Variants in CSMD2 observed in about 807,000 individuals in gnomAD.
The protein encoded by CSMD2 is CUB and sushi domain-containing protein 2.
A neutral mutation model predicts 398.5 loss-of-function variants in CSMD2; 130 were observed. The ratio of observed to expected loss-of-function variants is 0.33; its 90% CI spans 0.28 to 0.38. CSMD2 has a LOEUF of 0.38. Among genes scored for constraint, CSMD2 ranks in the 10% least tolerant of loss-of-function variants. The probability of loss-of-function intolerance (pLI) is 1.00; values close to 1 mark genes in which losing one functional copy is unlikely to be tolerated. For synonymous variants in CSMD2, 1,828 were observed against 1,908.5 expected, an observed-to-expected ratio of 0.96 and a Z score of 1.10; for missense variants, 3,829 against 4,764.9, an observed-to-expected ratio of 0.80 and a Z score of 5.78.
At position 33,652,517 on chromosome 1, in the gene CSMD2, A is replaced by G. The variant is rs1397752117; in HGVS notation, c.4448-56T>C. On this transcript the variant is annotated intron_variant, in intron 27 of 70. Transcript: ENST00000373381. The stretch of plus-strand genomic sequence containing the variant: ...GCCTCTTCACCCTGGGCTCATTTTC[A>G]TGGGTGTTGCTAATGCACTATTGAG... 3 of 1,598,542 alleles carry G rather than the reference A, an allele frequency of 1.9e-6. No homozygotes were observed. In the East Asian group the frequency reaches 6.7e-5, roughly 36 times the overall value.
chr1:34,085,839 C>T (rs982810606), intron 2 of CSMD2, among the ~76,000 whole-genome samples: 1 of 152,094 alleles, frequency 6.6e-6, no homozygotes, highest in South Asian at 2.1e-4. Context: ...AGACTCTTTA[C>T]TTCTTCCCCA....
intron 6 of CSMD2, among the ~76,000 whole-genome samples, chr1:33,830,325 T>C (rs1465023934): frequency 1.3e-5 from 2 of 152,156 alleles, no homozygotes; most frequent in Admixed American, 6.5e-5. Context: ...TCCAGAGGAA[T>C]AATCAGACAG....
intron 57 of CSMD2, among the ~76,000 whole-genome samples, chr1:33,545,322 T>G (rs1656773115): frequency 6.6e-6 from 1 of 152,246 alleles, no homozygotes; most frequent in African/African-American, 2.4e-5. Context: ...GGAAAAATGA[T>G]AATTTCTCCC....
At chr1:33,974,811 G>A (rs6677026) in intron 3 of CSMD2, among the ~76,000 whole-genome samples, 7,202 of 152,216 alleles carry the variant, frequency 0.047, 269 homozygotes, top group East Asian at 0.18. Context: ...CCCACAGAAC[G>A]GAAGGAGTAT....
rs1641536672 is a variant in CSMD2, at chr1:34,163,347, G to T, written c.187+1564C>A. On this transcript the variant is annotated intron_variant, in intron 1 of 70. Transcript: ENST00000373381. The surrounding 1 kb of genome is among the most constrained non-coding windows in gnomAD (Gnocchi z 5.4). Reference sequence around the variant, plus strand: ...GCTCCCAGGCGCGCGCACCGCGGGCGCCCCTCTCTGGGTGTCGGTGGCTAT... The same window carrying T: ...GCTCCCAGGCGCGCGCACCGCGGGCTCCCCTCTCTGGGTGTCGGTGGCTAT... 6.6e-6 allele frequency among the ~76,000 whole-genome samples: 1 copy of T among 152,186 alleles called. No individual in the cohort carries two copies. The highest frequency in any genetic ancestry group is 2.4e-5 in the African/African-American group (1 of 41,468).
rs755482287 is a variant in CSMD2, at chr1:33,546,057, C to G, written c.9080G>C (p.Gly3027Ala). 1.2e-6 allele frequency: 2 copies of G among 1,613,378 alleles called. No individual in the cohort carries two copies. Among genetic ancestry groups the G allele is most frequent in the Admixed American group, 3.3e-5 (2 of 59,986 alleles). Residue 3027 changes from glycine (G) to alanine (A), a missense_variant, in exon 57 of 71, where the codon GGC becomes GCC. Gly to Ala is a moderately conservative substitution (Grantham distance 60, BLOSUM62 0). Coordinates refer to ENST00000373381, the MANE Select transcript of CSMD2 (RefSeq NM_001281956.2). ...RTCQANGSWS[G>A]SQPECGVISC... Reference sequence around the variant, plus strand: ...ATTACCTCCACACTCAGGCTGCGAGCCGCTCCACGAGCCATTGGCTTGACA... The same window carrying G: ...ATTACCTCCACACTCAGGCTGCGAGGCGCTCCACGAGCCATTGGCTTGACA...
At chr1:33,731,709 A>G (rs1056458408) in intron 15 of CSMD2, among the ~76,000 whole-genome samples, 1 of 152,236 alleles carries the variant, frequency 6.6e-6, no homozygotes, top group Non-Finnish European at 1.5e-5. Flanking sequence ...ATTATAATGT[A>G]TGAAGCTAAC....
intron 5 of CSMD2, among the ~76,000 whole-genome samples, chr1:33,878,622 G>T (rs1385459513): frequency 1.3e-5 from 2 of 152,206 alleles, no homozygotes; most frequent in Non-Finnish European, 2.9e-5. Context: ...AGCCCTCATT[G>T]ATCTGTTTAC....
At chr1:33,561,970 G>C (rs935428846) in intron 53 of CSMD2, among the ~76,000 whole-genome samples, 2 of 152,074 alleles carry the variant, frequency 1.3e-5, no homozygotes, top group Admixed American at 1.3e-4. Flanking sequence ...GAATGTTGAG[G>C]ATTAAAACCC....
At chr1:34,058,454 A>T (rs1558313930) in intron 2 of CSMD2, among the ~76,000 whole-genome samples, 2 of 152,210 alleles carry the variant, frequency 1.3e-5, no homozygotes, top group African/African-American at 4.8e-5. Context: ...AAAATTTATG[A>T]AGATAAATAA....
In CSMD2 at chr1:33,537,143, C is replaced by G; in HGVS notation, c.9806-48G>C. The G allele has an allele frequency of 6.3e-7, 1 of 1,594,638 alleles. No individual in the cohort carries two copies. The highest frequency in any genetic ancestry group is 8.6e-7 in the Non-Finnish European group (1 of 1,162,404). On this transcript the variant is annotated intron_variant, in intron 61 of 70. Coordinates refer to ENST00000373381, the MANE Select transcript of CSMD2 (RefSeq NM_001281956.2). This position sits in a 1 kb window ranked among gnomAD's most constrained non-coding sequence, Gnocchi z 4.6. ...CAGATCACATGGTCATGGAAGCCTT[C>G]ACGGCCTCATCTCACTCTGGGAAAT...
intron 10 of CSMD2, among the ~76,000 whole-genome samples, chr1:33,794,202 A>C (rs1654675565): frequency 6.6e-6 from 1 of 152,182 alleles, no homozygotes; most frequent in African/African-American, 2.4e-5. Flanking sequence ...AGGCAAACTG[A>C]CACTGCCCTC....
intron 14 of CSMD2, among the ~76,000 whole-genome samples, chr1:33,741,004 T>C (rs1647046994): frequency 6.6e-6 from 1 of 152,106 alleles, no homozygotes; most frequent in Non-Finnish European, 1.5e-5. Context: ...GGAGTTTTTG[T>C]TGTGAGGCTT....
At chr1:34,009,093 T>C (rs1454918678) in intron 3 of CSMD2, among the ~76,000 whole-genome samples, 2 of 152,048 alleles carry the variant, frequency 1.3e-5, no homozygotes, top group Non-Finnish European at 2.9e-5. Context: ...CTGCAGAGAA[T>C]AAGGGGCTCT....
intron 2 of CSMD2, among the ~76,000 whole-genome samples, chr1:34,046,784 G>A (rs553635667): frequency 1.3e-5 from 2 of 152,078 alleles, no homozygotes; most frequent in Non-Finnish European, 2.9e-5. Context: ...TATGTACTAT[G>A]CTTGGTTCTC....
At chr1:33,836,760 T>C (rs1237847484) in intron 6 of CSMD2, among the ~76,000 whole-genome samples, 3 of 152,146 alleles carry the variant, frequency 2.0e-5, no homozygotes, top group Admixed American at 6.5e-5. Flanking sequence ...GTGCCGTGCA[T>C]CACCCCTTTC....
At chr1:33,993,878 T>C (rs1308434752) in intron 3 of CSMD2, among the ~76,000 whole-genome samples, 6 of 152,182 alleles carry the variant, frequency 3.9e-5, no homozygotes, top group African/African-American at 1.4e-4. Context: ...CTTATCTCCA[T>C]ATCCATTCTT....
intron 4 of CSMD2, among the ~76,000 whole-genome samples, chr1:33,927,971 T>C (rs1178817804): frequency 6.6e-6 from 1 of 152,186 alleles, no homozygotes; most frequent in Non-Finnish European, 1.5e-5. Context: ...TCCTCAGGAA[T>C]GCATGGAAGG....
At chr1:34,142,992 T>C (rs1442251330) in intron 1 of CSMD2, among the ~76,000 whole-genome samples, 1 of 152,208 alleles carries the variant, frequency 6.6e-6, no homozygotes. Context: ...AGAAACCGCA[T>C]GTGGATGCTG....
Sources: gnomAD v4.1 joint callset for allele counts (sites outside exome capture counted in the v4.1 genomes callset) on GRCh38, gnomAD v4.1.1 for gene constraint, Gnocchi (gnomAD v3.1) non-coding constraint, MANE v1.5 for transcripts, NCBI Gene and HGNC (gene_info 2026-07-23, HGNC 2026-07-21) for gene names.